Variants in PHF14 observed in about 807,000 individuals in gnomAD.
The protein encoded by PHF14 is PHD finger protein 14.
A neutral mutation model predicts 117.9 loss-of-function variants in PHF14; 55 were observed. The observed-to-expected ratio is 0.47, with a 90% CI of 0.38 to 0.58. The LOEUF (loss-of-function observed/expected upper bound fraction) is 0.58. PHF14 is among the 20% of genes least tolerant of loss of function. The probability of loss-of-function intolerance (pLI) is 0.00; values close to 1 mark genes in which losing one functional copy is unlikely to be tolerated. For synonymous variants in PHF14, 409 were observed against 368.6 expected (o/e 1.11, Z -1.26); for missense variants, 978 against 1,122.2 (o/e 0.87, Z 1.84).
chr7:11,136,273 T>C (rs907305642), intron 17 of PHF14, among the ~76,000 whole-genome samples: 4 of 152,220 alleles, frequency 2.6e-5, no homozygotes, highest in African/African-American at 9.6e-5. Flanking sequence ...TGTCAGAATT[T>C]TAATTATAAT....
At chr7:11,112,466 A>G (rs1190809167) in intron 17 of PHF14, among the ~76,000 whole-genome samples, 1 of 152,220 alleles carries the variant, frequency 6.6e-6, no homozygotes, top group Admixed American at 6.5e-5. Context: ...TTTAAATATC[A>G]GAATTTATTT....
chr7:11,071,994 ATGAT>A (rs1785628248), intron 16 of PHF14, among the ~76,000 whole-genome samples: 2 of 152,346 alleles, frequency 1.3e-5, no homozygotes, highest in South Asian at 4.1e-4. Flanking sequence ...TGTAAAATGA[ATGAT>A]TAAGTATGAG....
chr7:11,049,669 T>C (rs1385238343), intron 13 of PHF14, among the ~76,000 whole-genome samples: 2 of 152,158 alleles, frequency 1.3e-5, no homozygotes, highest in African/African-American at 4.8e-5. Context: ...TATTATTAGT[T>C]AACTAACAAT....
At chr7:11,102,555 G>C in intron 16 of PHF14, 2 of 1,609,394 alleles carry the variant, frequency 1.2e-6, no homozygotes, top group Non-Finnish European at 1.7e-6. Flanking sequence ...TCTTTTATAA[G>C]TGTGATTTTA....
chr7:11,053,060 A>C (rs1366930055), intron 14 of PHF14, among the ~76,000 whole-genome samples: 1 of 152,112 alleles, frequency 6.6e-6, no homozygotes, highest in East Asian at 1.9e-4. Flanking sequence ...CTTTTCAAAA[A>C]TCTTCCTTTC....
At chr7:11,107,214 A>G in intron 16 of PHF14, 1 of 984,198 alleles carries the variant, frequency 1.0e-6, no homozygotes, top group Non-Finnish European at 1.2e-6. Context: ...TATTCTCAAT[A>G]GTCAGGTAAA....
intron 10 of PHF14, 149 bp downstream of exon 10, chr7:11,037,240 C>T (rs1190517958): frequency 3.4e-6 from 2 of 595,926 alleles, no homozygotes; most frequent in East Asian, 6.2e-5. Context: ...TCATTAGCTT[C>T]ATTATCATCA....
chr7:11,048,085 A>G (rs1049212327), intron 13 of PHF14, among the ~76,000 whole-genome samples: 5 of 152,174 alleles, frequency 3.3e-5, no homozygotes, highest in African/African-American at 1.2e-4. Context: ...TTAAAAGGTT[A>G]AGATTATCTT....
chr7:11,086,643 T>C (rs1786420405), intron 16 of PHF14, among the ~76,000 whole-genome samples: 1 of 152,192 alleles, frequency 6.6e-6, no homozygotes, highest in African/African-American at 2.4e-5. Flanking sequence ...AAACAATCTG[T>C]GGATTTTAAT....
At chr7:10,976,820 C>A (rs1265576078) in intron 2 of PHF14, among the ~76,000 whole-genome samples, 3 of 148,972 alleles carry the variant, frequency 2.0e-5, no homozygotes, top group Non-Finnish European at 3.0e-5. Context: ...CTTTCTGTTC[C>A]CTCTTGTAAT....
chr7:11,035,721 G>C lies in PHF14; in HGVS notation c.1537G>C (p.Ala513Pro). Residue 513 changes from alanine to proline, a missense_variant, in exon 8 of 18, where the codon GCT becomes CCT. Transcript: ENST00000634607. Reference protein sequence around the residue: ...DRKWKRKNYLALQSYCKMSLQ... With the variant: ...DRKWKRKNYLPLQSYCKMSLQ... Reference sequence around the variant, plus strand: ...AAAGTGGAAGAGAAAAAACTACTTGGCTCTACAGTCCTATTGTAAAATGTC... The same window carrying C: ...AAAGTGGAAGAGAAAAAACTACTTGCCTCTACAGTCCTATTGTAAAATGTC... 6.2e-7 allele frequency: 1 copy of C among 1,610,966 alleles called. No homozygotes were observed. Among genetic ancestry groups the C allele is most frequent in the Non-Finnish European group, 8.5e-7 (1 of 1,177,570 alleles).
rs1028799237 is a variant in PHF14, at chr7:11,010,986, T to C, written c.1046-2761T>C. Among the ~76,000 whole-genome samples, 9 of 152,332 alleles carry C rather than the reference T, an allele frequency of 5.9e-5. No homozygotes were observed. The East Asian group carries it at 1.7e-3, about 29-fold the overall frequency. On this transcript the variant is annotated intron_variant, in intron 4 of 17. Transcript: ENST00000634607. Reference sequence around the variant, plus strand: ...CAGATTTTATTAAAATTCACTGTTATAAAACCTTTGAATAGCATAAGGATA... The same window carrying C: ...CAGATTTTATTAAAATTCACTGTTACAAAACCTTTGAATAGCATAAGGATA...
chr7:11,094,233 A>T (rs1786755913), intron 16 of PHF14, among the ~76,000 whole-genome samples: 2 of 152,236 alleles, frequency 1.3e-5, no homozygotes, highest in African/African-American at 4.8e-5. Context: ...CAAATTTGGT[A>T]GCTTAAAACA....
intron 14 of PHF14, among the ~76,000 whole-genome samples, chr7:11,055,063 T>C (rs565800325): frequency 1.3e-5 from 2 of 152,242 alleles, no homozygotes; most frequent in South Asian, 4.1e-4. Flanking sequence ...ATTCTTCTTA[T>C]GTTTCATCAG....
intron 17 of PHF14, among the ~76,000 whole-genome samples, chr7:11,136,970 A>T (rs778413806): frequency 9.9e-5 from 15 of 152,222 alleles, no homozygotes; most frequent in Admixed American, 6.5e-4. Context: ...AATAACCACT[A>T]CTAACATTTC....
chr7:11,149,233 C>A (rs1472973339), intron 17 of PHF14, among the ~76,000 whole-genome samples: 1 of 152,082 alleles, frequency 6.6e-6, no homozygotes, highest in Non-Finnish European at 1.5e-5. Context: ...GATGCACACA[C>A]ACAAATTTTT....
In PHF14 at chr7:11,062,032, A is replaced by T; in HGVS notation, c.2601A>T (p.Leu867Phe). The T allele has an allele frequency of 6.2e-7, 1 of 1,607,452 alleles. No homozygotes were observed. The highest frequency in any genetic ancestry group is 8.5e-7 in the Non-Finnish European group (1 of 1,176,442). ...AAAAGAAGCCCAAGGCTGAAGATTT[A>T]AGAACTGAATGTGCAACTTGCAAGG... is the stretch of plus-strand genomic sequence containing the variant. ...VLQKKPKAED[L>F]RTECATCKGT... Residue 867 changes from leucine (L) to phenylalanine (F), a missense_variant, in exon 16 of 18, where the codon TTA becomes TTT. This residue lies in a region of PHF14 where 180 missense variants were observed against 195.4 expected (regional missense o/e 0.92). Transcript: ENST00000634607.
chr7:11,159,780 C>T (rs1303016399), intron 17 of PHF14, among the ~76,000 whole-genome samples: 1 of 151,710 alleles, frequency 6.6e-6, no homozygotes, highest in South Asian at 2.1e-4. Flanking sequence ...TTTGAAAGTA[C>T]AGAAAATTGA....
intron 16 of PHF14, among the ~76,000 whole-genome samples, chr7:11,069,822 A>G (rs1583433386): frequency 6.6e-6 from 1 of 150,646 alleles, no homozygotes; most frequent in East Asian, 1.9e-4. Flanking sequence ...TATTACCACC[A>G]CACCACCATG....
Sources: allele counts gnomAD v4.1 joint callset (sites outside exome capture counted in the v4.1 genomes callset), GRCh38; gene constraint gnomAD v4.1.1; regional missense constraint gnomAD v4.1.1; transcripts MANE v1.5; gene names NCBI Gene and HGNC (gene_info 2026-07-23, HGNC 2026-07-21).